Variants in GDF10 observed in about 807,000 individuals in gnomAD.
GDF10 encodes growth/differentiation factor 10.
A neutral mutation model predicts 32.1 loss-of-function variants in GDF10; 23 were observed. That is an observed-to-expected ratio of 0.72 (90% CI 0.52 to 1.02). GDF10 has a LOEUF of 1.02. GDF10 is among the 50% of genes least tolerant of loss of function. GDF10 has a pLI of 0.00. For missense variants in GDF10, 764 were observed against 673.9 expected (o/e 1.13, Z -1.48); for synonymous variants, 328 against 303.1 (o/e 1.08, Z -0.85).
At chr10:47,305,642 T>G (rs12769499) in intron 1 of GDF10, among the ~76,000 whole-genome samples, 1 of 152,062 alleles carries the variant, frequency 6.6e-6, no homozygotes, top group African/African-American at 2.4e-5. Context: ...TGGAATCTTT[T>G]TATATAGGGC....
At chr10:47,310,869 A>G (rs936839608) in intron 2 of GDF10, 148 bp downstream of exon 2, 4 of 625,518 alleles carry the variant, frequency 6.4e-6, no homozygotes, top group Non-Finnish European at 1.1e-5. Context: ...ATAGGTAGAC[A>G]TAGGTCACCA....
chr10:47,303,893 T>C (rs1256440675), intron 1 of GDF10, among the ~76,000 whole-genome samples: 1 of 152,264 alleles, frequency 6.6e-6, no homozygotes, highest in Non-Finnish European at 1.5e-5. Flanking sequence ...CTTCGTTTGG[T>C]AGCAGATGCT....
chr10:47,309,567 G>C (rs149874057), intron 1 of GDF10, among the ~76,000 whole-genome samples: 428 of 152,248 alleles, frequency 2.8e-3, no homozygotes, highest in African/African-American at 9.8e-3. Context: ...TGTTTGCTAC[G>C]GGATATTGAC....
Position 47,310,483 on chromosome 10 carries a change from G to C in GDF10, c.1007G>C (p.Gly336Ala), listed in dbSNP as rs1555207626. The C allele has an allele frequency of 6.2e-7, 1 of 1,613,774 alleles. No individual in the cohort carries two copies. The highest frequency in any genetic ancestry group is 8.5e-7 in the Non-Finnish European group (1 of 1,179,734). Reference protein sequence around the residue: ...SPFRALKPRPGRKDRRKKGQE... With the variant: ...SPFRALKPRPARKDRRKKGQE... ...TTCCGGGCGCTGAAACCCCGGCCAG[G>C]GCGCAAAGACCGCAGGAAGAAGGGC... is the stretch of plus-strand genomic sequence containing the variant. Residue 336 changes from glycine (G) to alanine (A), a missense_variant, in exon 2 of 3, where the codon GGG (glycine) becomes GCG (alanine). Physicochemically the swap from Gly to Ala is moderately conservative, Grantham distance 60. Coordinates refer to ENST00000580279, the MANE Select transcript of GDF10 (RefSeq NM_004962.5).
intron 2 of GDF10, among the ~76,000 whole-genome samples, chr10:47,311,380 C>T (rs982377298): frequency 6.6e-6 from 1 of 152,254 alleles, no homozygotes; most frequent in Non-Finnish European, 1.5e-5. Context: ...GCCTGCTCTG[C>T]AGCAGCCTGG....
chr10:47,308,032 A>T (rs1458024547), intron 1 of GDF10, among the ~76,000 whole-genome samples: 1 of 152,144 alleles, frequency 6.6e-6, no homozygotes, highest in Admixed American at 6.5e-5. Flanking sequence ...GGCGCCACTG[A>T]GTCCTGGGAG....
At chr10:47,309,706 G>T (rs1189071457) in intron 1 of GDF10, 90 bp from the exon 2 acceptor site, 12 of 756,474 alleles carry the variant, frequency 1.6e-5, no homozygotes, top group South Asian at 3.5e-5. Flanking sequence ...AGTGTGGATC[G>T]GTGGGCGTTT....
chr10:47,300,591 G>C lies in GDF10; in HGVS notation c.-61G>C. ...GCCGCGAGGTCAGTCCGCAGCCTCCGGTGCGCCAGCGCTCGCCTTCCTCCT... is the reference window on the plus strand; with the variant it reads ...GCCGCGAGGTCAGTCCGCAGCCTCCCGTGCGCCAGCGCTCGCCTTCCTCCT... On this transcript the variant is annotated 5_prime_UTR_variant, in exon 1 of 3. Transcript: ENST00000580279. 2 of 1,471,790 alleles carry C rather than the reference G, an allele frequency of 1.4e-6. No individual in the cohort carries two copies. Among genetic ancestry groups the C allele is most frequent in the Non-Finnish European group, 9.1e-7 (1 of 1,098,214 alleles). 91.2% of individuals were successfully genotyped at this position (1,471,790 alleles called of 1,614,324 possible). A position where few individuals can be genotyped will look rare whatever the true frequency, so the allele number is the denominator to read the frequency against.
At chr10:47,304,163 T>C (rs2853843) in intron 1 of GDF10, among the ~76,000 whole-genome samples, 142,866 of 152,218 alleles carry the variant, frequency 0.94, 67,666 homozygotes, top group East Asian at 1. Flanking sequence ...GTGAAGCTGT[T>C]CACTGTGTTC....
intron 1 of GDF10, among the ~76,000 whole-genome samples, chr10:47,308,167 T>C (rs1298285739): frequency 3.3e-5 from 5 of 152,202 alleles, no homozygotes; most frequent in African/African-American, 4.8e-5. Context: ...CGGAGTGAGC[T>C]ATCAGCTGCC....
At chr10:47,308,498 T>G (rs1334500544) in intron 1 of GDF10, among the ~76,000 whole-genome samples, 9 of 152,150 alleles carry the variant, frequency 5.9e-5, no homozygotes, top group African/African-American at 2.2e-4. Context: ...ACAATCCCAG[T>G]TGAATTATGC....
chr10:47,302,662 T>G, intron 1 of GDF10, among the ~76,000 whole-genome samples: 1 of 152,302 alleles, frequency 6.6e-6, no homozygotes, highest in East Asian at 1.9e-4. Flanking sequence ...ACTTTAAAGA[T>G]AAGGAAACTG....
chr10:47,304,759 G>A (rs1392528661), intron 1 of GDF10, among the ~76,000 whole-genome samples: 3 of 152,164 alleles, frequency 2.0e-5, no homozygotes, highest in Non-Finnish European at 4.4e-5. Flanking sequence ...AAAACTTGCA[G>A]GTATTTCCAT....
At chr10:47,311,654 C>T (rs1342285023) in intron 2 of GDF10, among the ~76,000 whole-genome samples, 2 of 152,200 alleles carry the variant, frequency 1.3e-5, no homozygotes, top group African/African-American at 2.4e-5. Context: ...GACATAGAGA[C>T]GGAGCCTGCT....
chr10:47,310,710 C>G lies in GDF10; in HGVS notation c.1234C>G (p.Pro412Ala). The G allele has an allele frequency of 6.2e-7, 1 of 1,609,832 alleles. No homozygotes were observed. Among genetic ancestry groups the G allele is most frequent in the Non-Finnish European group, 8.5e-7 (1 of 1,176,154 alleles). The change falls in exon 2 of 3, where the codon CCC becomes GCC. Residue 412 changes from proline (P) to alanine (A), a missense_variant. Pro to Ala is a conservative substitution (Grantham distance 27). Transcript: ENST00000580279. ...CTACTGCGCGGGAGCATGTGAGTTC[C>G]CCATGCCTAAGGTAGGGTTTCTTCC... Reference protein sequence around the residue: ...AYYCAGACEFPMPKIVRPSNH... With the variant: ...AYYCAGACEFAMPKIVRPSNH...
At chr10:47,307,194 C>A (rs1257368439) in intron 1 of GDF10, among the ~76,000 whole-genome samples, 2 of 151,892 alleles carry the variant, frequency 1.3e-5, no homozygotes, top group African/African-American at 2.4e-5. Context: ...CCTGGTCAGC[C>A]CAACTTAGCC....
intron 1 of GDF10, among the ~76,000 whole-genome samples, chr10:47,302,246 G>A (rs150870137): frequency 3.6e-4 from 55 of 152,320 alleles, no homozygotes; most frequent in African/African-American, 1.2e-3. Context: ...AATGGGCAAG[G>A]CTTGCCAATA....
At chr10:47,311,719 C>T (rs528707583) in intron 2 of GDF10, among the ~76,000 whole-genome samples, 2 of 152,336 alleles carry the variant, frequency 1.3e-5, no homozygotes, top group South Asian at 4.1e-4. Flanking sequence ...TGAAGGCTTG[C>T]AGCTGGTTGG....
In GDF10 at chr10:47,310,734, C is replaced by A; in HGVS notation, c.1245+13C>A. On this transcript the variant is annotated intron_variant, in intron 2 of 2. Transcript: ENST00000580279. ...CCCCATGCCTAAGGTAGGGTTTCTT[C>A]CGCCTTTTGCCAAATTCTAAGGCTC... is the stretch of plus-strand genomic sequence containing the variant. 2.5e-6 allele frequency: 4 copies of A among 1,577,352 alleles called. No individual in the cohort carries two copies. The highest frequency in any genetic ancestry group is 3.5e-6 in the Non-Finnish European group (4 of 1,147,066).
Sources: gnomAD v4.1 joint callset for allele counts (sites outside exome capture counted in the v4.1 genomes callset) on GRCh38, gnomAD v4.1.1 for gene constraint, MANE v1.5 for transcripts, NCBI Gene and HGNC (gene_info 2026-07-23, HGNC 2026-07-21) for gene names.